FMNL3: variants seen among roughly 807,000 people sequenced by gnomAD.
FMNL3 encodes formin-like protein 3.
A neutral mutation model predicts 119.6 loss-of-function variants in FMNL3; 57 were observed. The ratio of observed to expected loss-of-function variants is 0.48; its 90% confidence interval spans 0.39 to 0.59. FMNL3 has a LOEUF of 0.59. Among genes scored for constraint, FMNL3 ranks in the 20% least tolerant of loss-of-function variants. The probability of loss-of-function intolerance (pLI) is 0.00; values close to 1 mark genes in which losing one functional copy is unlikely to be tolerated. For synonymous variants in FMNL3, 491 were observed against 507.3 expected (o/e 0.97, Z 0.43); for missense variants, 1,053 against 1,323.5 (o/e 0.80, Z 3.17).
At position 49,651,940 on chromosome 12, in the gene FMNL3, T is replaced by G; in HGVS notation, c.1596A>C (p.Pro532=). 1 of 1,586,748 alleles carries G rather than the reference T, an allele frequency of 6.3e-7. No individual in the cohort carries two copies. Among genetic ancestry groups the G allele is most frequent in the Admixed American group, 1.7e-5 (1 of 57,854 alleles). The change falls in exon 14 of 26, where the codon CCA becomes CCC. Residue 532 remains proline, a synonymous_variant. Transcript: ENST00000335154. ...PAPPLPPPPP[P]LPDKCPPAPP... ...AGGGGTCGTCGTGGTTACCTGGTAA[T>G]GGGGGAGGTGGAGGGGGCAAGGGCG...
chr12:49,663,096 C>T (rs1431675358), intron 4 of FMNL3, among the ~76,000 whole-genome samples: 4 of 152,190 alleles, frequency 2.6e-5, no homozygotes, highest in Non-Finnish European at 4.4e-5. Flanking sequence ...AGGCAGCAGG[C>T]TCTGGCTGAA....
intron 1 of FMNL3, among the ~76,000 whole-genome samples, chr12:49,674,511 C>A (rs142331776): frequency 1.3e-3 from 198 of 152,338 alleles, no homozygotes; most frequent in South Asian, 0.011. Flanking sequence ...CATCTCCTTC[C>A]TTATGTGACC....
In FMNL3 at chr12:49,647,189, A is replaced by G; in HGVS notation, c.2871+87T>C. On this transcript the variant is annotated intron_variant, in intron 24 of 25. Transcript: ENST00000335154. This position sits in a 1 kb window ranked among gnomAD's most constrained non-coding sequence, Gnocchi z 4.9. ...CCCTCTGGGTGGTCTGTCCACTCCA[A>G]GTTTTCATCTCCTCTAGCCTTCTGA... The G allele has an allele frequency of 6.3e-7, 1 of 1,577,980 alleles. No homozygotes were observed. Among genetic ancestry groups the G allele is most frequent in the Admixed American group, 1.7e-5 (1 of 59,448 alleles).
chr12:49,705,260 T>C (rs1365522043), intron 1 of FMNL3, among the ~76,000 whole-genome samples: 1 of 152,222 alleles, frequency 6.6e-6, no homozygotes, highest in Non-Finnish European at 1.5e-5. Flanking sequence ...AAGGAAGGCA[T>C]GCAAGTGGGT....
At chr12:49,666,054 C>A in intron 3 of FMNL3, 73 bp downstream of exon 3, 1 of 1,556,414 alleles carries the variant, frequency 6.4e-7, no homozygotes, top group South Asian at 1.1e-5. Flanking sequence ...ATATCCAAGT[C>A]AAAGGGTTTG....
chr12:49,688,692 T>C (rs550845435), intron 1 of FMNL3: 3 of 362,664 alleles, frequency 8.3e-6, no homozygotes, highest in South Asian at 2.1e-5. Flanking sequence ...GAGCTGAAGA[T>C]CAACTACAGT....
intron 1 of FMNL3, among the ~76,000 whole-genome samples, chr12:49,690,608 G>C (rs890232400): frequency 1.3e-5 from 2 of 152,160 alleles, no homozygotes; most frequent in African/African-American, 4.8e-5. Context: ...TAGTAGGATA[G>C]CTAAGATCCA....
At chr12:49,689,423 T>C (rs1354014970) in intron 1 of FMNL3, among the ~76,000 whole-genome samples, 1 of 152,156 alleles carries the variant, frequency 6.6e-6, no homozygotes, top group Non-Finnish European at 1.5e-5. Context: ...GGCAGGAAAG[T>C]CCCTTTTCTA....
intron 25 of FMNL3, among the ~76,000 whole-genome samples, chr12:49,646,158 C>T (rs1943174148): frequency 1.3e-5 from 2 of 152,086 alleles, no homozygotes; most frequent in African/African-American, 4.8e-5. Flanking sequence ...TAGATGCATT[C>T]AGAAAGAGCC....
chr12:49,669,277 A>G (rs1334403692), intron 1 of FMNL3, among the ~76,000 whole-genome samples: 1 of 152,204 alleles, frequency 6.6e-6, no homozygotes, highest in Non-Finnish European at 1.5e-5. Flanking sequence ...ATTAAGACAC[A>G]GCAAAGCACC....
At chr12:49,679,112 T>C (rs1592678350) in intron 1 of FMNL3, among the ~76,000 whole-genome samples, 1 of 152,170 alleles carries the variant, frequency 6.6e-6, no homozygotes, top group Admixed American at 6.5e-5. Context: ...AATTATCTCA[T>C]CTAATTCTCA....
chr12:49,647,172 G>A lies in FMNL3; in HGVS notation c.2871+104C>T. 1 of 1,555,832 alleles carries A rather than the reference G, an allele frequency of 6.4e-7. No individual in the cohort carries two copies. The highest frequency in any genetic ancestry group is 8.8e-7 in the Non-Finnish European group (1 of 1,134,362). On this transcript the variant is annotated intron_variant, in intron 24 of 25. Transcript: ENST00000335154. This position sits in a 1 kb window ranked among gnomAD's most constrained non-coding sequence, Gnocchi z 4.9. ...GGATGCCAGCCCACTGGCCCTCTGGGTGGTCTGTCCACTCCAAGTTTTCAT... is the reference window on the plus strand; with the variant it reads ...GGATGCCAGCCCACTGGCCCTCTGGATGGTCTGTCCACTCCAAGTTTTCAT...
At chr12:49,700,507 G>A (rs1944878163) in intron 1 of FMNL3, among the ~76,000 whole-genome samples, 1 of 150,276 alleles carries the variant, frequency 6.7e-6, no homozygotes, top group Admixed American at 6.6e-5. Context: ...GTGAGGTCAG[G>A]AGTTTGAGAT....
At position 49,643,380 on chromosome 12, in the gene FMNL3, C is replaced by T; in HGVS notation, c.*2435G>A. 2 of 1,568,134 alleles carry T rather than the reference C, an allele frequency of 1.3e-6. No homozygotes were observed. Among genetic ancestry groups the T allele is most frequent in the African/African-American group, 1.4e-5 (1 of 73,306 alleles). On this transcript the variant is annotated 3_prime_UTR_variant, in exon 26 of 26. Coordinates refer to ENST00000335154, the MANE Select transcript of FMNL3 (RefSeq NM_175736.5). ...CTTGGAGGACGGGGCTCCCCTTCCT[C>T]CCATCTTCTTGGAGCAGGTAAGCAG...
At position 49,636,525 on chromosome 12, in the gene FMNL3, C is replaced by A. The variant is rs1380807018; in HGVS notation, c.*9290G>T. On this transcript the variant is annotated 3_prime_UTR_variant, in exon 26 of 26. Coordinates refer to ENST00000335154, the MANE Select transcript of FMNL3 (RefSeq NM_175736.5). Reference sequence around the variant, plus strand: ...GAATACTTGCTTATTTATTCTTATACAATTAATGATCCCCTCTTAAGAACT... The same window carrying A: ...GAATACTTGCTTATTTATTCTTATAAAATTAATGATCCCCTCTTAAGAACT... The A allele has an allele frequency of 3.4e-6, 2 of 597,006 alleles. No individual in the cohort carries two copies. Among genetic ancestry groups the A allele is most frequent in the Non-Finnish European group, 5.8e-6 (2 of 344,060 alleles). 37.0% of individuals were successfully genotyped at this position (597,006 alleles called of 1,614,324 possible). A position where few individuals can be genotyped will look rare whatever the true frequency, so the allele number is the denominator to read the frequency against.
chr12:49,654,326 A>G, intron 10 of FMNL3, 24 bp from the exon 11 acceptor site: 1 of 1,602,224 alleles, frequency 6.2e-7, no homozygotes, highest in Non-Finnish European at 8.6e-7. Context: ...GGCCCAGAGA[A>G]GCAGCAACAG....
At position 49,640,530 on chromosome 12, in the gene FMNL3, C is replaced by A. The variant is rs1942486674; in HGVS notation, c.*5285G>T. 6.6e-6 allele frequency: 1 copy of A among 152,138 alleles called. No individual in the cohort carries two copies. The highest frequency in any genetic ancestry group is 1.5e-5 in the Non-Finnish European group (1 of 68,050). 9.4% of individuals were successfully genotyped at this position (152,138 alleles called of 1,614,324 possible). A position where few individuals can be genotyped will look rare whatever the true frequency, so the allele number is the denominator to read the frequency against. ...GGATTTGGCTAGTAGACACAAGCAA[C>A]CTTTGGGAGAGTAGAGTCATGGAGG... On this transcript the variant is annotated 3_prime_UTR_variant, in exon 26 of 26. Coordinates refer to ENST00000335154, the MANE Select transcript of FMNL3 (RefSeq NM_175736.5).
chr12:49,658,046 G>A (rs1457909503), intron 6 of FMNL3, among the ~76,000 whole-genome samples: 1 of 152,210 alleles, frequency 6.6e-6, no homozygotes, highest in African/African-American at 2.4e-5. Flanking sequence ...TAAAGGGGCA[G>A]AGTGAAGAAC....
In FMNL3 at chr12:49,652,320, G is replaced by T. The variant is rs1027785408; in HGVS notation, c.1324-108C>A. On this transcript the variant is annotated intron_variant, in intron 13 of 25. Transcript: ENST00000335154. ...TTCTCTTAACGAGGGTCTCTGTCAGGGTACTCAGAGGCTCAGAGTGGCAGA... is the reference window on the plus strand; with the variant it reads ...TTCTCTTAACGAGGGTCTCTGTCAGTGTACTCAGAGGCTCAGAGTGGCAGA... The T allele has an allele frequency of 3.4e-6, 5 of 1,452,704 alleles. No individual in the cohort carries two copies. The African/African-American group carries it at 7.1e-5, about 21-fold the overall frequency. The allele number at this position is 1,452,704 out of a possible 1,614,324, so 90.0% of individuals were successfully genotyped here.
Sources: gnomAD v4.1 joint callset for allele counts (sites outside exome capture counted in the v4.1 genomes callset) on GRCh38, gnomAD v4.1.1 for gene constraint, Gnocchi (gnomAD v3.1) non-coding constraint, MANE v1.5 for transcripts, NCBI Gene and HGNC (gene_info 2026-07-23, HGNC 2026-07-21) for gene names.